PDE4D: variants seen among roughly 807,000 people sequenced by gnomAD.
PDE4D encodes 3',5'-cyclic-AMP phosphodiesterase 4D.
PDE4D carries 24 observed loss-of-function variants against 87.4 expected under a neutral mutation model. That is an observed-to-expected ratio of 0.27 (90% CI 0.20 to 0.39). PDE4D has a LOEUF of 0.39. Ranked by LOEUF, PDE4D falls within the 10% of genes least tolerant of loss-of-function variation. The probability of loss-of-function intolerance (pLI) is 1.00; values close to 1 mark genes in which losing one functional copy is unlikely to be tolerated. For missense variants in PDE4D, 714 were observed against 1,041.0 expected, an observed-to-expected ratio of 0.69 and a Z score of 4.32; for synonymous variants, 384 against 383.2, an observed-to-expected ratio of 1.00 and a Z score of -0.02.
At chr5:60,270,251 A>C (rs1029776685) in intron 1 of PDE4D, among the ~76,000 whole-genome samples, 2 of 152,228 alleles carry the variant, frequency 1.3e-5, no homozygotes, top group Admixed American at 1.3e-4. Flanking sequence ...AACAAAACAT[A>C]TCCCCAAAAA....
intron 1 of PDE4D, among the ~76,000 whole-genome samples, chr5:59,703,419 A>G (rs573085302): frequency 3.3e-5 from 5 of 152,314 alleles, no homozygotes; most frequent in African/African-American, 1.2e-4. Context: ...TTAATGGAGG[A>G]AGTACCTTAT....
intron 1 of PDE4D, among the ~76,000 whole-genome samples, chr5:60,475,975 C>A (rs1380736170): frequency 6.6e-6 from 1 of 152,084 alleles, no homozygotes; most frequent in African/African-American, 2.4e-5. Flanking sequence ...TACATACTTA[C>A]CAGAGTTATC....
At chr5:59,867,342 T>TA (rs35204890) in intron 1 of PDE4D, among the ~76,000 whole-genome samples, 138 of 146,472 alleles carry the variant, frequency 9.4e-4, no homozygotes, top group African/African-American at 3.0e-3. Flanking sequence ...CGACTTCAGC[T>TA]AAAAAAAAAA....
chr5:59,738,956 TA>T (rs1463409636), intron 1 of PDE4D, among the ~76,000 whole-genome samples: 1 of 151,840 alleles, frequency 6.6e-6, no homozygotes, highest in Non-Finnish European at 1.5e-5. Context: ...TAGAAAAAAA[TA>T]AAGGTGAACA....
chr5:59,998,112 C>T (rs1403324018), intron 2 of PDE4D, among the ~76,000 whole-genome samples: 1 of 152,148 alleles, frequency 6.6e-6, no homozygotes, highest in Non-Finnish European at 1.5e-5. Flanking sequence ...TCTTTTAAGA[C>T]CTCTCAGTTC....
At chr5:59,293,912 C>T (rs930159477) in intron 1 of PDE4D, among the ~76,000 whole-genome samples, 2 of 152,130 alleles carry the variant, frequency 1.3e-5, no homozygotes, top group African/African-American at 4.8e-5. Context: ...AGCTCTGCAA[C>T]AGTATGAAAA....
intron 3 of PDE4D, among the ~76,000 whole-genome samples, chr5:59,957,220 T>A (rs1046003760): frequency 2.0e-5 from 3 of 152,124 alleles, no homozygotes; most frequent in Admixed American, 1.3e-4. Flanking sequence ...TATTATTATT[T>A]TTTTTGGTTG....
intron 1 of PDE4D, among the ~76,000 whole-genome samples, chr5:60,412,838 T>C (rs1054282258): frequency 1.3e-4 from 20 of 152,170 alleles, no homozygotes; most frequent in African/African-American, 4.8e-4. Flanking sequence ...GCCTATAGCA[T>C]TATTTCCTAT....
At chr5:59,843,575 T>A (rs905249012) in intron 1 of PDE4D, among the ~76,000 whole-genome samples, 1 of 152,082 alleles carries the variant, frequency 6.6e-6, no homozygotes, top group Non-Finnish European at 1.5e-5. Flanking sequence ...TAAGTTCCCA[T>A]CTGGTTCTCA....
chr5:60,294,791 TAG>T (rs890775284), intron 1 of PDE4D, among the ~76,000 whole-genome samples: 5 of 152,090 alleles, frequency 3.3e-5, no homozygotes, highest in Non-Finnish European at 7.4e-5. Flanking sequence ...CTATATTTTA[TAG>T]AGTCAGGTAG....
chr5:59,247,953 C>T (rs902386352), intron 1 of PDE4D, among the ~76,000 whole-genome samples: 6 of 146,942 alleles, frequency 4.1e-5, no homozygotes, highest in African/African-American at 1.5e-4. Context: ...CTGTCCCATC[C>T]ATGAACTGCA....
rs201683691 is a variant in PDE4D, at chr5:59,735,250, G to T, written c.455+157918C>A. On this transcript the variant is annotated intron_variant, in intron 1 of 14. Coordinates refer to ENST00000340635, the MANE Select transcript of PDE4D (RefSeq NM_001104631.2). ...AGCTGTGAATCTCTGCATATAAACA[G>T]ATTGGGAGTTTAGACTTGAGATGTA... Among the ~76,000 whole-genome samples, 6 of 152,328 alleles carry T rather than the reference G, an allele frequency of 3.9e-5. No homozygotes were observed. The East Asian group carries it at 1.2e-3, about 29-fold the overall frequency.
intron 1 of PDE4D, chr5:60,304,182 AC>A (rs1754211968): frequency 6.6e-6 from 1 of 152,130 alleles, no homozygotes; most frequent in African/African-American, 2.4e-5. Flanking sequence ...GATAAAAGGG[AC>A]CCAGAGTTCT....
At chr5:59,221,831 G>A (rs551622877) in intron 1 of PDE4D, among the ~76,000 whole-genome samples, 78 of 152,292 alleles carry the variant, frequency 5.1e-4, no homozygotes, top group Non-Finnish European at 6.6e-4. Context: ...ATGGAACTAA[G>A]TGAGGTGCTT....
At chr5:60,205,755 G>C (rs1000334475) in intron 1 of PDE4D, among the ~76,000 whole-genome samples, 1 of 151,820 alleles carries the variant, frequency 6.6e-6, no homozygotes, top group Non-Finnish European at 1.5e-5. Context: ...TTAGCCAGGC[G>C]TGGTGATGTG....
intron 1 of PDE4D, among the ~76,000 whole-genome samples, chr5:60,389,801 G>C (rs1307960589): frequency 6.6e-6 from 1 of 152,132 alleles, no homozygotes; most frequent in African/African-American, 2.4e-5. Flanking sequence ...CTGAAGGTCT[G>C]CACCAGAAAC....
At chr5:59,225,781 C>T (rs565985179) in intron 1 of PDE4D, among the ~76,000 whole-genome samples, 2 of 134,602 alleles carry the variant, frequency 1.5e-5, no homozygotes, top group South Asian at 2.2e-4. Flanking sequence ...CATAGGAGCT[C>T]CTACAACTCA....
intron 1 of PDE4D, among the ~76,000 whole-genome samples, chr5:59,437,505 T>C (rs1479099211): frequency 6.6e-6 from 1 of 152,122 alleles, no homozygotes; most frequent in Non-Finnish European, 1.5e-5. Flanking sequence ...TAAAAAATAA[T>C]CATGCTGCAA....
At chr5:59,300,740 G>C (rs1340232054) in intron 1 of PDE4D, among the ~76,000 whole-genome samples, 1 of 152,036 alleles carries the variant, frequency 6.6e-6, no homozygotes, top group Non-Finnish European at 1.5e-5. Flanking sequence ...TTCCAACGCT[G>C]TCTACCTGGA....
Sources: allele counts gnomAD v4.1 joint callset (sites outside exome capture counted in the v4.1 genomes callset), GRCh38; gene constraint gnomAD v4.1.1; transcripts MANE v1.5; gene names NCBI Gene and HGNC (gene_info 2026-07-23, HGNC 2026-07-21).